The following RORA variants were observed in gnomAD, a reference collection of about 807,000 sequenced individuals.
The protein encoded by RORA is RAR related orphan receptor A.
RORA carries 7 observed loss-of-function variants against 69.5 expected under a neutral mutation model. The observed-to-expected ratio is 0.10, with a 90% CI of 0.06 to 0.19. RORA has a LOEUF of 0.19. Among genes scored for constraint, RORA ranks in the 10% least tolerant of loss-of-function variants. RORA has a pLI of 1.00. For missense variants in RORA, 457 were observed against 663.0 expected (o/e 0.69, Z 3.41); for synonymous variants, 261 against 240.8 (o/e 1.08, Z -0.78).
chr15:60,683,226 G>A (rs1567154166), intron 1 of RORA, among the ~76,000 whole-genome samples: 1 of 152,154 alleles, frequency 6.6e-6, no homozygotes, highest in African/African-American at 2.4e-5. Context: ...TGTTCAGGCT[G>A]ATCTTGAATG....
intron 1 of RORA, among the ~76,000 whole-genome samples, chr15:60,894,710 T>C (rs1439987756): frequency 1.3e-5 from 2 of 152,312 alleles, no homozygotes; most frequent in African/African-American, 2.4e-5. Flanking sequence ...CCTGAGAATA[T>C]GCATTTCTAG....
intron 1 of RORA, among the ~76,000 whole-genome samples, chr15:60,859,507 C>A (rs1183613333): frequency 6.8e-6 from 1 of 147,398 alleles, no homozygotes; most frequent in Non-Finnish European, 1.5e-5. Flanking sequence ...CAGGGTCTTG[C>A]TCTGTCATCC....
At chr15:61,054,826 GTTT>G (rs66846535) in intron 1 of RORA, among the ~76,000 whole-genome samples, 4 of 134,650 alleles carry the variant, frequency 3.0e-5, no homozygotes, top group African/African-American at 8.2e-5. Context: ...TTTGTTTTTT[GTTT>G]TTTTTTTTTT....
intron 2 of RORA, among the ~76,000 whole-genome samples, chr15:60,645,806 T>C: frequency 7.0e-6 from 1 of 142,066 alleles, no homozygotes; most frequent in East Asian, 2.0e-4. Flanking sequence ...GGTTTTTTTT[T>C]TTTTTTAAAA....
At chr15:61,180,973 G>A (rs906891258) in intron 1 of RORA, among the ~76,000 whole-genome samples, 5 of 152,136 alleles carry the variant, frequency 3.3e-5, no homozygotes, top group South Asian at 2.1e-4. Flanking sequence ...GTGTGGTGGT[G>A]TGCACCTATA....
intron 1 of RORA, among the ~76,000 whole-genome samples, chr15:60,936,742 G>A (rs796583763): frequency 8.5e-5 from 13 of 152,356 alleles, no homozygotes; most frequent in African/African-American, 3.1e-4. Context: ...TGAGAATTAA[G>A]TACCTCTTAG....
chr15:61,102,032 C>G (rs1329194510), intron 1 of RORA, among the ~76,000 whole-genome samples: 1 of 152,092 alleles, frequency 6.6e-6, no homozygotes, highest in African/African-American at 2.4e-5. Flanking sequence ...TGGTTAAGAA[C>G]ACACCCTAAC....
intron 1 of RORA, among the ~76,000 whole-genome samples, chr15:60,916,618 A>G (rs1346456995): frequency 6.6e-6 from 1 of 152,072 alleles, no homozygotes; most frequent in Non-Finnish European, 1.5e-5. Flanking sequence ...GCCTGGATAT[A>G]TATATATTTT....
At chr15:61,199,714 G>A (rs2079877620) in intron 1 of RORA, among the ~76,000 whole-genome samples, 1 of 152,166 alleles carries the variant, frequency 6.6e-6, no homozygotes, top group African/African-American at 2.4e-5. Flanking sequence ...CAATTACACT[G>A]AGATGTTATG....
intron 1 of RORA, among the ~76,000 whole-genome samples, chr15:60,932,522 T>C (rs1289559026): frequency 1.3e-5 from 2 of 152,226 alleles, no homozygotes; most frequent in African/African-American, 4.8e-5. Context: ...TTTCTCCATG[T>C]AGTGCAAGGA....
rs201447864 is a variant in RORA at position 60,495,860 on chromosome 15, A to C, written c.*1595T>G. The C allele has an allele frequency of 9.7e-4, 2 of 2,068 alleles. No homozygotes were observed. The highest frequency in any genetic ancestry group is 0.048 in the East Asian group (2 of 42). 0.1% of individuals were successfully genotyped at this position (2,068 alleles called of 1,614,324 possible). On this transcript the variant is annotated 3_prime_UTR_variant, in exon 11 of 11. Coordinates refer to ENST00000335670, the MANE Select transcript of RORA (RefSeq NM_134261.3). Reference sequence around the variant, plus strand: ...CCCCTTCCCCCACTAGGGATCATTAAAAAAAAAAAAACCATGAAATTAAAC... The same window carrying C: ...CCCCTTCCCCCACTAGGGATCATTACAAAAAAAAAAACCATGAAATTAAAC...
intron 1 of RORA, among the ~76,000 whole-genome samples, chr15:61,024,069 G>T (rs758186579): frequency 1.3e-5 from 2 of 151,928 alleles, no homozygotes; most frequent in East Asian, 3.9e-4. Flanking sequence ...TAAAGGCCAC[G>T]GCATACTTCT....
At chr15:60,518,447 T>C (rs2141372471) in intron 3 of RORA, among the ~76,000 whole-genome samples, 1 of 152,362 alleles carries the variant, frequency 6.6e-6, no homozygotes, top group African/African-American at 2.4e-5. Context: ...GATGCAGACA[T>C]CTTCGGGCTT....
intron 3 of RORA, among the ~76,000 whole-genome samples, chr15:60,516,185 T>TA (rs2065932472): frequency 1.0e-4 from 2 of 19,294 alleles, no homozygotes; most frequent in Non-Finnish European, 1.7e-4. Flanking sequence ...ATATATATAT[T>TA]TATATATATA....
chr15:61,065,532 A>T (rs1434367369), intron 1 of RORA, among the ~76,000 whole-genome samples: 1 of 152,190 alleles, frequency 6.6e-6, no homozygotes, highest in Admixed American at 6.5e-5. Context: ...AGGGGAATAA[A>T]ACAAAAAAAA....
chr15:60,913,941 A>C (rs1222376671), intron 1 of RORA, among the ~76,000 whole-genome samples: 1 of 152,178 alleles, frequency 6.6e-6, no homozygotes, highest in African/African-American at 2.4e-5. Flanking sequence ...TATGGAACTC[A>C]GTCCGGTGGA....
chr15:61,120,627 G>A (rs1443126173), intron 1 of RORA, among the ~76,000 whole-genome samples: 1 of 150,550 alleles, frequency 6.6e-6, no homozygotes, highest in Admixed American at 6.6e-5. Context: ...CGTTAACCCG[G>A]GAGGCGGAGC....
intron 1 of RORA, among the ~76,000 whole-genome samples, chr15:60,949,446 C>T (rs924636546): frequency 2.6e-5 from 4 of 152,154 alleles, no homozygotes; most frequent in Non-Finnish European, 4.4e-5. Flanking sequence ...CTCCATTCAG[C>T]GCCCAGTATC....
chr15:61,208,197 A>G (rs2079959313), intron 1 of RORA, among the ~76,000 whole-genome samples: 1 of 152,266 alleles, frequency 6.6e-6, no homozygotes, highest in South Asian at 2.1e-4. Context: ...TGATACATCC[A>G]CATAATGGAA....
Sources: allele counts gnomAD v4.1 joint callset (sites outside exome capture counted in the v4.1 genomes callset), GRCh38; gene constraint gnomAD v4.1.1; transcripts MANE v1.5; gene names NCBI Gene and HGNC (gene_info 2026-07-23, HGNC 2026-07-21).